Variants in ZFHX3 observed in about 807,000 individuals in gnomAD.
ZFHX3 encodes the protein zinc finger homeobox protein 3.
Under a neutral mutation model 279.1 loss-of-function variants are expected in ZFHX3, and 42 were observed. That is an observed-to-expected ratio of 0.15 (90% CI 0.12 to 0.19). The LOEUF (loss-of-function observed/expected upper bound fraction) is 0.19. Ranked by LOEUF, ZFHX3 falls within the 10% of genes least tolerant of loss-of-function variation. The pLI is 1.00. For missense variants in ZFHX3, 4,981 were observed against 4,754.0 expected (o/e 1.05, Z -1.40); for synonymous variants, 2,293 against 1,957.8 (o/e 1.17, Z -4.52).
chr16:73,299,092 A>AT (rs1449282067), intron 4 of ZFHX3, among the ~76,000 whole-genome samples: 1 of 152,186 alleles, frequency 6.6e-6, no homozygotes, highest in Admixed American at 6.5e-5. Flanking sequence ...GATGATGATT[A>AT]TTTTACAGAC....
rs57812149 is a variant in ZFHX3 at position 73,309,906 on chromosome 16, C to CTTTTTT, written c.-1194+8328_-1194+8333dup. Among the ~76,000 whole-genome samples the CTTTTTT allele has an allele frequency of 2.5e-4, 29 of 114,426 alleles. 1 individual carries two copies. Among genetic ancestry groups the CTTTTTT allele is most frequent in the South Asian group, 3.2e-4 (1 of 3,090 alleles). The allele number at this position is 114,426 out of a possible 152,430, so 75.1% of individuals were successfully genotyped here. A position where few individuals can be genotyped will look rare whatever the true frequency, so the allele number is the denominator to read the frequency against. On this transcript the variant is annotated intron_variant, in intron 4 of 17. Transcript: ENST00000641206. Reference sequence around the variant, plus strand: ...TGCTTTGGGACTCGTTTTTTCTTGCCTTTTTTTTTTTTTTTTTTTTGAGAT... The same window carrying CTTTTTT: ...TGCTTTGGGACTCGTTTTTTCTTGCCTTTTTTTTTTTTTTTTTTTTTTTTTTGAGAT...
chr16:73,880,239 T>C (rs1448410799), intron 1 of ZFHX3, among the ~76,000 whole-genome samples: 1 of 152,092 alleles, frequency 6.6e-6, no homozygotes, highest in Non-Finnish European at 1.5e-5. Flanking sequence ...CAAAATGAAA[T>C]CTTCCGGCAG....
At chr16:72,903,155 G>A (rs1030667035) in intron 3 of ZFHX3, among the ~76,000 whole-genome samples, 4 of 152,252 alleles carry the variant, frequency 2.6e-5, no homozygotes, top group East Asian at 1.9e-4. Context: ...GCGAGAGTTC[G>A]AGGAGGGTGC....
At chr16:73,516,045 C>T (rs910436690) in intron 2 of ZFHX3, among the ~76,000 whole-genome samples, 3 of 152,246 alleles carry the variant, frequency 2.0e-5, no homozygotes, top group Non-Finnish European at 4.4e-5. Flanking sequence ...GAAACCATGT[C>T]AGCACCTCTG....
chr16:73,436,899 G>T (rs1345967409), intron 3 of ZFHX3, among the ~76,000 whole-genome samples: 3 of 151,938 alleles, frequency 2.0e-5, no homozygotes, highest in African/African-American at 7.3e-5. Context: ...CAGTGACACA[G>T]ACTCCCCTGA....
In ZFHX3 at chr16:73,509,521, C is replaced by CTT. The variant is rs531436437; in HGVS notation, c.-1546-53265_-1546-53264dup. On this transcript the variant is annotated intron_variant, in intron 2 of 17. Coordinates refer to the ZFHX3 transcript ENST00000641206. ...GACAGTTTAGCTTTCTTTCCCTCTCCTTTTTTTTTTTTTTTTTTTTTTTGA... is the reference window on the plus strand; with the variant it reads ...GACAGTTTAGCTTTCTTTCCCTCTCCTTTTTTTTTTTTTTTTTTTTTTTTTGA... Among the ~76,000 whole-genome samples the CTT allele has an allele frequency of 3.9e-3, 397 of 102,942 alleles. 1 individual carries two copies. Among genetic ancestry groups the CTT allele is most frequent in the Non-Finnish European group, 5.1e-3 (280 of 54,800 alleles). 67.5% of individuals were successfully genotyped at this position (102,942 alleles called of 152,430 possible).
intron 3 of ZFHX3, among the ~76,000 whole-genome samples, chr16:73,332,708 C>G (rs2015829389): frequency 6.6e-6 from 1 of 152,138 alleles, no homozygotes; most frequent in African/African-American, 2.4e-5. Context: ...AAACCACGAA[C>G]AAAAGTGATG....
At chr16:73,425,252 T>A (rs1873773685) in intron 3 of ZFHX3, among the ~76,000 whole-genome samples, 1 of 152,158 alleles carries the variant, frequency 6.6e-6, no homozygotes, top group African/African-American at 2.4e-5. Context: ...GTTATCTCTC[T>A]CCCCAGTCTT....
chr16:73,579,911 A>C (rs1231822275), intron 2 of ZFHX3, among the ~76,000 whole-genome samples: 1 of 146,894 alleles, frequency 6.8e-6, no homozygotes, highest in Non-Finnish European at 1.5e-5. Context: ...ATAATGTATT[A>C]TAAAGTATAA....
At position 72,909,877 on chromosome 16, in the gene ZFHX3, CAAAAAA is replaced by C. The variant is rs66982395; in HGVS notation, c.3217-19921_3217-19916del. On this transcript the variant is annotated intron_variant, in intron 3 of 9. Coordinates refer to ENST00000268489, the MANE Select transcript of ZFHX3 (RefSeq NM_006885.4). The stretch of plus-strand genomic sequence containing the variant: ...TGGGTGACAAAGTGACACCGTGTCT[CAAAAAA>C]AAAAAAAAAAAAAAAAATTAAAAAG... Among the ~76,000 whole-genome samples, 157 of 82,308 alleles carry C rather than the reference CAAAAAA, an allele frequency of 1.9e-3. No individual in the cohort carries two copies. In the Middle Eastern group the frequency reaches 0.049, roughly 26 times the overall value. The allele number at this position is 82,308 out of a possible 152,430, so 54.0% of individuals were successfully genotyped here. A position where few individuals can be genotyped will look rare whatever the true frequency, so the allele number is the denominator to read the frequency against.
chr16:73,053,565 C>A (rs1294206484), intron 1 of ZFHX3, among the ~76,000 whole-genome samples: 1 of 151,866 alleles, frequency 6.6e-6, no homozygotes, highest in Non-Finnish European at 1.5e-5. Context: ...GGAGGTGTTA[C>A]AAAGAAAGGA....
Position 73,745,355 on chromosome 16 carries a change from G to C in ZFHX3, c.-1607-65115C>G, listed in dbSNP as rs147540532. ...CCATCTCCTTAAGAGCAGAGGACAA[G>C]GAGGCTAGTTTAAGATTACCTTTTC... is the stretch of plus-strand genomic sequence containing the variant. On this transcript the variant is annotated intron_variant, in intron 1 of 17. Transcript: ENST00000641206. Among the ~76,000 whole-genome samples, 5 of 152,292 alleles carry C rather than the reference G, an allele frequency of 3.3e-5. No homozygotes were observed. The East Asian group carries it at 9.7e-4, about 29-fold the overall frequency.
At chr16:72,929,955 C>T (rs1012880547) in intron 3 of ZFHX3, among the ~76,000 whole-genome samples, 4 of 152,222 alleles carry the variant, frequency 2.6e-5, no homozygotes, top group East Asian at 1.9e-4. Context: ...CGGTGGCTCA[C>T]GCCTGTAATC....
intron 4 of ZFHX3, among the ~76,000 whole-genome samples, chr16:73,298,756 T>C (rs903905974): frequency 6.6e-6 from 1 of 152,176 alleles, no homozygotes; most frequent in Non-Finnish European, 1.5e-5. Flanking sequence ...GGAGATGCTG[T>C]AAGCAAAAGA....
chr16:73,819,669 A>G (rs1960678636), intron 1 of ZFHX3, among the ~76,000 whole-genome samples: 2 of 152,158 alleles, frequency 1.3e-5, no homozygotes, highest in South Asian at 4.1e-4. Context: ...AGGAGAGGGA[A>G]GAGAAAAATT....
At chr16:72,792,217 A>T (rs1002652804) in intron 9 of ZFHX3, among the ~76,000 whole-genome samples, 18 of 152,214 alleles carry the variant, frequency 1.2e-4, no homozygotes, top group African/African-American at 4.1e-4. Context: ...AGAGCAACAA[A>T]TATGTATGAT....
chr16:73,048,193 C>T (rs1021064596), upstream of ZFHX3: 1 of 151,104 alleles, frequency 6.6e-6, no homozygotes, highest in African/African-American at 2.4e-5. Context: ...GGCGGGGGGC[C>T]TTCGGGGATC....
At chr16:73,651,553 C>G (rs1281875510) in intron 2 of ZFHX3, among the ~76,000 whole-genome samples, 1 of 151,604 alleles carries the variant, frequency 6.6e-6, no homozygotes, top group African/African-American at 2.4e-5. Flanking sequence ...AATAAAAAGA[C>G]AAGGCCGGGC....
chr16:73,347,449 C>G (rs1450363457), intron 3 of ZFHX3, among the ~76,000 whole-genome samples: 2 of 152,250 alleles, frequency 1.3e-5, no homozygotes, highest in Non-Finnish European at 2.9e-5. Context: ...ATCAGGGACT[C>G]AGCCTGTTCC....
Sources: gnomAD v4.1 joint callset for allele counts (sites outside exome capture counted in the v4.1 genomes callset) on GRCh38, gnomAD v4.1.1 for gene constraint, MANE v1.5 for transcripts, NCBI Gene and HGNC (gene_info 2026-07-23, HGNC 2026-07-21) for gene names.